HEATR5A: variants seen among roughly 807,000 people sequenced by gnomAD.
The protein encoded by HEATR5A is HEAT repeat containing 5A, also known as HEAT repeat-containing protein 5A.
A neutral mutation model predicts 218.8 loss-of-function variants in HEATR5A; 178 were observed. The ratio of observed to expected loss-of-function variants is 0.81; its 90% CI spans 0.72 to 0.92. The LOEUF is 0.92. HEATR5A is among the 40% of genes least tolerant of loss of function. HEATR5A has a pLI of 0.00. For synonymous variants in HEATR5A, 864 were observed against 871.6 expected (o/e 0.99, Z 0.15); for missense variants, 2,420 against 2,418.9 (o/e 1.00, Z -0.01).
At chr14:31,301,336 A>G (rs1595075333) in intron 33 of HEATR5A, among the ~76,000 whole-genome samples, 1 of 152,044 alleles carries the variant, frequency 6.6e-6, no homozygotes, top group Non-Finnish European at 1.5e-5. Flanking sequence ...GCTCACTGCA[A>G]CCTCTGCCTC....
At chr14:31,357,522 CT>C (rs1035160309) in intron 16 of HEATR5A, among the ~76,000 whole-genome samples, 2 of 152,192 alleles carry the variant, frequency 1.3e-5, no homozygotes, top group African/African-American at 4.8e-5. Flanking sequence ...GAGAGATTCA[CT>C]TCCCATTTCG....
At chr14:31,391,223 T>C (rs1311784673) in intron 6 of HEATR5A, among the ~76,000 whole-genome samples, 2 of 152,126 alleles carry the variant, frequency 1.3e-5, no homozygotes, top group Non-Finnish European at 1.5e-5. Context: ...CTGCCTCCCA[T>C]GTTAAAGGGT....
chr14:31,408,260 G>T lies in HEATR5A; in HGVS notation c.-74-5211C>A, dbSNP rs1566785677. Among the ~76,000 whole-genome samples the T allele has an allele frequency of 4.6e-5, 7 of 152,282 alleles. No individual in the cohort carries two copies. The South Asian group carries it at 1.4e-3, about 32-fold the overall frequency. ...GGATAACTCCAGCATTGTGCCAACA[G>T]ATTATGAAGCATATTACTATGCTAG... On this transcript the variant is annotated intron_variant, in intron 1 of 35. Transcript: ENST00000543095.
rs757556150 is a variant in HEATR5A, at chr14:31,358,812, G to C, written c.2236C>G (p.Leu746Val). ...CAAGCAACACCATTACCAAGCAGGA[G>C]CTAAAAGGGAAAAAAAGTATATAAG... ...ETDHRFIEEQ[L>V]LLGNGVACGS... Residue 746 changes from leucine to valine, a missense_variant and splice_region_variant, in exon 16 of 36, where the codon CTC becomes GTC. By Grantham distance (32) the Leu-to-Val change is conservative (BLOSUM62 1). Coordinates refer to ENST00000543095, the MANE Select transcript of HEATR5A (RefSeq NM_015473.4). 6.2e-7 allele frequency: 1 copy of C among 1,612,296 alleles called. No homozygotes were observed. Among genetic ancestry groups the C allele is most frequent in the South Asian group, 1.1e-5 (1 of 90,684 alleles).
At chr14:31,311,126 A>G (rs560278730) in intron 28 of HEATR5A, among the ~76,000 whole-genome samples, 16 of 152,332 alleles carry the variant, frequency 1.1e-4, no homozygotes, top group African/African-American at 2.6e-4. Flanking sequence ...CCTAAAATTC[A>G]TATCAAAAAG....
intron 1 of HEATR5A, among the ~76,000 whole-genome samples, chr14:31,404,269 T>G (rs1186372172): frequency 6.6e-6 from 1 of 152,200 alleles, no homozygotes; most frequent in South Asian, 2.1e-4. Flanking sequence ...TGGAATTTCA[T>G]AGGAATGTAG....
In HEATR5A at chr14:31,368,690, T is replaced by C. The variant is rs535364814; in HGVS notation, c.1961+3120A>G. Among the ~76,000 whole-genome samples, 105 of 139,692 alleles carry C rather than the reference T, an allele frequency of 7.5e-4. No homozygotes were observed. The East Asian group carries it at 0.02, about 27-fold the overall frequency. The allele number at this position is 139,692 out of a possible 152,430, so 91.6% of individuals were successfully genotyped here. A position where few individuals can be genotyped will look rare whatever the true frequency, so the allele number is the denominator to read the frequency against. On this transcript the variant is annotated intron_variant, in intron 13 of 35. Transcript: ENST00000543095. ...GACTACTAGTGAGCATCAGTACATC[T>C]GACTCTATTTATTTATTTATTTATT...
Position 31,323,566 on chromosome 14 carries a change from T to C in HEATR5A, c.3786A>G (p.Arg1262=). 6.3e-7 allele frequency: 1 copy of C among 1,590,496 alleles called. No individual in the cohort carries two copies. Among genetic ancestry groups the C allele is most frequent in the Non-Finnish European group, 8.6e-7 (1 of 1,167,010 alleles). ...LAQEMKKRDS[R]NDFLVLHLAD... ...TGTTTTCATCACTATGTCACTTACTTCTTGAATCTCTTTTTTTCATTTCTT... is the reference window on the plus strand; with the variant it reads ...TGTTTTCATCACTATGTCACTTACTCCTTGAATCTCTTTTTTTCATTTCTT... The change falls in exon 24 of 36, where the codon AGA becomes AGG. Residue 1262 remains arginine, a splice_region_variant and synonymous_variant. Transcript: ENST00000543095.
chr14:31,357,297 G>A (rs1035721212), intron 16 of HEATR5A, among the ~76,000 whole-genome samples: 2 of 152,200 alleles, frequency 1.3e-5, no homozygotes, highest in African/African-American at 2.4e-5. Flanking sequence ...AGGTGTTGGT[G>A]ATGAAATTAA....
chr14:31,318,434 CCT>C (rs1461503411), intron 25 of HEATR5A, 142 bp from the exon 26 acceptor site: 28 of 642,494 alleles, frequency 4.4e-5, no homozygotes, highest in African/African-American at 1.8e-4. Flanking sequence ...TGTATCTTCC[CCT>C]GTTTTTAGAT....
intron 22 of HEATR5A, among the ~76,000 whole-genome samples, chr14:31,331,847 C>A (rs894335356): frequency 1.3e-5 from 2 of 152,100 alleles, no homozygotes; most frequent in African/African-American, 4.8e-5. Flanking sequence ...CTCATGAGAA[C>A]GCACTCACTA....
intron 6 of HEATR5A, among the ~76,000 whole-genome samples, chr14:31,390,276 G>A (rs1172809659): frequency 1.3e-5 from 2 of 152,136 alleles, no homozygotes; most frequent in Non-Finnish European, 2.9e-5. Context: ...GGCTGTGACT[G>A]AAATGAGGTG....
intron 33 of HEATR5A, among the ~76,000 whole-genome samples, chr14:31,298,238 T>G: frequency 6.6e-6 from 1 of 150,550 alleles, no homozygotes; most frequent in East Asian, 2.0e-4. Context: ...TCAGATAATA[T>G]AATATGTGTT....
intron 4 of HEATR5A, among the ~76,000 whole-genome samples, chr14:31,398,243 C>A: frequency 6.6e-6 from 1 of 152,128 alleles, no homozygotes; most frequent in East Asian, 1.9e-4. Context: ...ACACTCTTTC[C>A]CCTCAGATTA....
chr14:31,296,059 A>T lies in HEATR5A; in HGVS notation c.5469T>A (p.Asp1823Glu). ...TTILDCWDPVDETHQELDEVS... is the reference protein window; with the variant it reads ...TTILDCWDPVEETHQELDEVS... ...CTTCATCAAGTTCTTGGTGTGTTTC[A>T]TCAACTAAAGAGAAATGCTCTATTA... is the stretch of plus-strand genomic sequence containing the variant. Residue 1823 changes from aspartate to glutamate, a missense_variant, in exon 34 of 36, where the codon GAT (aspartate) becomes GAA (glutamate). Asp to Glu is a conservative substitution (Grantham distance 45). Coordinates refer to ENST00000543095, the MANE Select transcript of HEATR5A (RefSeq NM_015473.4). The T allele has an allele frequency of 6.2e-7, 1 of 1,612,768 alleles. No homozygotes were observed. Among genetic ancestry groups the T allele is most frequent in the South Asian group, 1.1e-5 (1 of 91,022 alleles).
intron 13 of HEATR5A, among the ~76,000 whole-genome samples, chr14:31,364,818 T>C (rs1454255523): frequency 6.6e-6 from 1 of 152,212 alleles, no homozygotes; most frequent in African/African-American, 2.4e-5. Context: ...AAGACATCAC[T>C]TTACCAATGC....
At chr14:31,416,994 T>A (rs1326498890) in intron 1 of HEATR5A, among the ~76,000 whole-genome samples, 1 of 152,080 alleles carries the variant, frequency 6.6e-6, no homozygotes, top group East Asian at 1.9e-4. Flanking sequence ...TCCCTGCTAC[T>A]CAGAGGCTGA....
intron 6 of HEATR5A, among the ~76,000 whole-genome samples, chr14:31,393,208 T>A (rs1289682729): frequency 2.0e-5 from 3 of 151,928 alleles, no homozygotes; most frequent in Admixed American, 6.6e-5. Context: ...TTAAAAAAAA[T>A]ATATAAAAAT....
intron 33 of HEATR5A, among the ~76,000 whole-genome samples, chr14:31,300,009 C>T (rs888761269): frequency 1.8e-4 from 27 of 152,154 alleles, no homozygotes; most frequent in Non-Finnish European, 4.4e-5. Context: ...GCACTCCAGC[C>T]TGGGCAACAG....
Sources: gnomAD v4.1 joint callset for allele counts (sites outside exome capture counted in the v4.1 genomes callset) on GRCh38, gnomAD v4.1.1 for gene constraint, MANE v1.5 for transcripts, NCBI Gene and HGNC (gene_info 2026-07-23, HGNC 2026-07-21) for gene names.